The following SEC31B variants were observed in gnomAD, a reference collection of about 807,000 sequenced individuals.
SEC31B encodes the protein protein transport protein Sec31B.
A neutral mutation model predicts 135.0 loss-of-function variants in SEC31B; 113 were observed. The observed-to-expected ratio is 0.84, with a 90% CI of 0.72 to 0.98. SEC31B has a LOEUF of 0.98. Among genes scored for constraint, SEC31B ranks in the 50% least tolerant of loss-of-function variants. The pLI is 0.00. For synonymous variants in SEC31B, 508 were observed against 549.4 expected (o/e 0.92, Z 1.05); for missense variants, 1,296 against 1,421.1 (o/e 0.91, Z 1.42).
At chr10:100,499,810 C>T (rs1303938903) in intron 11 of SEC31B, among the ~76,000 whole-genome samples, 1 of 152,224 alleles carries the variant, frequency 6.6e-6, no homozygotes, top group African/African-American at 2.4e-5. Context: ...CTGCCCTTTG[C>T]ACATGAGAAT....
At chr10:100,517,094 T>C in intron 1 of SEC31B, 97 bp from the exon 2 acceptor site, 3 of 644,542 alleles carry the variant, frequency 4.7e-6, no homozygotes, top group Non-Finnish European at 8.4e-6. Context: ...ATAGGGCATT[T>C]CAGGGCAACA....
chr10:100,508,970 G>T, intron 5 of SEC31B, 37 bp downstream of exon 5: 1 of 1,504,068 alleles, frequency 6.6e-7, no homozygotes, highest in Non-Finnish European at 9.3e-7. Flanking sequence ...AGAATCAGCT[G>T]CACACTCCAG....
At position 100,516,988 on chromosome 10, in the gene SEC31B, C is replaced by T. The variant is rs368885457; in HGVS notation, c.-36G>A. ...GTAGGTGGCAGAAAACTGACATGGC[C>T]CTCAGCCCACTGAAAATAGAAACCA... On this transcript the variant is annotated 5_prime_UTR_variant, in exon 2 of 26. Coordinates refer to ENST00000370345, the MANE Select transcript of SEC31B (RefSeq NM_015490.4). 35 of 1,506,572 alleles carry T rather than the reference C, an allele frequency of 2.3e-5. No homozygotes were observed. The highest frequency in any genetic ancestry group is 3.2e-5 in the Non-Finnish European group (35 of 1,083,798). The allele number at this position is 1,506,572 out of a possible 1,614,324, so 93.3% of individuals were successfully genotyped here.
At chr10:100,498,399 A>T in intron 14 of SEC31B, 192 bp from the exon 15 acceptor site, 2 of 636,488 alleles carry the variant, frequency 3.1e-6, no homozygotes, top group Non-Finnish European at 2.7e-6. Flanking sequence ...GGCCCAAGAC[A>T]AGGGAGGGAA....
chr10:100,511,640 A>C (rs1248495008), intron 3 of SEC31B, among the ~76,000 whole-genome samples: 1 of 152,180 alleles, frequency 6.6e-6, no homozygotes, highest in Non-Finnish European at 1.5e-5. Flanking sequence ...CTGCTGTATA[A>C]ATTGTTTCCA....
In SEC31B at chr10:100,508,997, T is replaced by C; in HGVS notation, c.495+10A>G. ...ACACTCCAGGGTTGGGTAGTGGGGGTGCTGCTCACCTGTGACTTGGATCCC... is the reference window on the plus strand; with the variant it reads ...ACACTCCAGGGTTGGGTAGTGGGGGCGCTGCTCACCTGTGACTTGGATCCC... On this transcript the variant is annotated intron_variant, in intron 5 of 25. Transcript: ENST00000370345. 1 of 1,608,670 alleles carries C rather than the reference T, an allele frequency of 6.2e-7. No homozygotes were observed. The highest frequency in any genetic ancestry group is 1.3e-5 in the African/African-American group (1 of 74,856).
At chr10:100,501,867 C>T (rs1851530385) in intron 11 of SEC31B, among the ~76,000 whole-genome samples, 1 of 152,234 alleles carries the variant, frequency 6.6e-6, no homozygotes, top group Non-Finnish European at 1.5e-5. Context: ...GTCCTTCTAA[C>T]TAATGTTTTT....
chr10:100,513,344 A>G (rs994723772), intron 3 of SEC31B, among the ~76,000 whole-genome samples: 2 of 152,362 alleles, frequency 1.3e-5, no homozygotes, highest in African/African-American at 4.8e-5. Flanking sequence ...GTGGAGCAGG[A>G]GTATGAGGTA....
intron 20 of SEC31B, 61 bp from the exon 21 acceptor site, chr10:100,490,383 C>T: frequency 6.7e-7 from 1 of 1,497,152 alleles, no homozygotes; most frequent in Admixed American, 2.3e-5. Flanking sequence ...CAACTCAGAG[C>T]ATATCAGGGA....
chr10:100,490,900 AC>A lies in SEC31B; in HGVS notation c.2473-18del. 1 of 1,403,214 alleles carries A rather than the reference AC, an allele frequency of 7.1e-7. No homozygotes were observed. Among genetic ancestry groups the A allele is most frequent in the Non-Finnish European group, 9.4e-7 (1 of 1,063,934 alleles). The allele number at this position is 1,403,214 out of a possible 1,614,324, so 86.9% of individuals were successfully genotyped here. On this transcript the variant is annotated intron_variant, in intron 19 of 25. Coordinates refer to ENST00000370345, the MANE Select transcript of SEC31B (RefSeq NM_015490.4). ...AGTTGGGACCTATGAAGAGAAAAAA[AC>A]ATCAGCTCTTGGAAAGGAAAGAGAA...
Position 100,492,956 on chromosome 10 carries a change from G to A in SEC31B, c.2473-2073C>T, listed in dbSNP as rs182418493. Among the ~76,000 whole-genome samples the A allele has an allele frequency of 1.4e-3, 216 of 152,348 alleles. 2 individuals are homozygous for A. In the Middle Eastern group the frequency reaches 0.02, roughly 14 times the overall value. The stretch of plus-strand genomic sequence containing the variant: ...GAGAAACATGCCACATTCATGGACT[G>A]AAAGACTGAACCTAGTAAAGATGTC... On this transcript the variant is annotated intron_variant, in intron 19 of 25. Coordinates refer to ENST00000370345, the MANE Select transcript of SEC31B (RefSeq NM_015490.4).
rs771366161 is a variant in SEC31B at position 100,490,006 on chromosome 10, AC to A, written c.2965+1del. On this transcript the variant is annotated splice_donor_variant, in intron 21 of 25. Transcript: ENST00000370345. LOFTEE classifies it high-confidence loss of function. ...AGAGGGATCCATGGAAGGAAGACTGACCTGGGTGAGGAGTCAAGATGCCAGT... is the reference window on the plus strand; with the variant it reads ...AGAGGGATCCATGGAAGGAAGACTGACTGGGTGAGGAGTCAAGATGCCAGT... 5 of 1,538,728 alleles carry A rather than the reference AC, an allele frequency of 3.2e-6. No homozygotes were observed. The highest frequency in any genetic ancestry group is 4.4e-6 in the Non-Finnish European group (5 of 1,147,998).
In SEC31B at chr10:100,507,516, G is replaced by A; in HGVS notation, c.691C>T (p.Leu231=). 6.2e-7 allele frequency: 1 copy of A among 1,614,190 alleles called. No homozygotes were observed. Among genetic ancestry groups the A allele is most frequent in the Non-Finnish European group, 8.5e-7 (1 of 1,180,028 alleles). ...WHPDIATQLV[L]CSEDDRLPVI... ...GGAAGTCGATCATCCTCTGAGCACA[G>A]CACTAACTGGGTGGCTATGTCAGGA... Residue 231 remains leucine, a synonymous_variant, in exon 7 of 26, where the codon CTG becomes TTG. Coordinates refer to ENST00000370345, the MANE Select transcript of SEC31B (RefSeq NM_015490.4).
At chr10:100,497,538 ATTCT>A in intron 16 of SEC31B, 125 bp downstream of exon 16, 1 of 1,552,866 alleles carries the variant, frequency 6.4e-7, no homozygotes, top group Non-Finnish European at 8.7e-7. Flanking sequence ...GCTGAGCCAG[ATTCT>A]AGCCCTGACA....
rs1300964311 is a variant in SEC31B, at chr10:100,487,314, C to G, written c.*302G>C. ...CAGAAGCCACTTAAATAGAAGATCC[C>G]TGGGGGAGAAGATATCCTGCCCCAG... On this transcript the variant is annotated 3_prime_UTR_variant, in exon 26 of 26. Transcript: ENST00000370345. The G allele has an allele frequency of 2.9e-6, 1 of 346,132 alleles. No individual in the cohort carries two copies. The highest frequency in any genetic ancestry group is 2.2e-5 in the African/African-American group (1 of 46,490). The allele number at this position is 346,132 out of a possible 1,614,324, so 21.4% of individuals were successfully genotyped here.
chr10:100,503,332 G>C (rs1226118714), intron 10 of SEC31B, among the ~76,000 whole-genome samples: 2 of 152,072 alleles, frequency 1.3e-5, no homozygotes, highest in African/African-American at 2.4e-5. Flanking sequence ...GACTTGCCAG[G>C]CCACACCCCA....
intron 21 of SEC31B, 68 bp downstream of exon 21, chr10:100,489,940 T>A (rs2133669071): frequency 6.5e-7 from 1 of 1,531,186 alleles, no homozygotes; most frequent in Non-Finnish European, 8.8e-7. Flanking sequence ...GAGGAAAGAC[T>A]CCCAAAGTAG....
chr10:100,488,994 G>A lies in SEC31B; in HGVS notation c.3172-20C>T, dbSNP rs1265126648. The A allele has an allele frequency of 1.3e-6, 2 of 1,586,550 alleles. No individual in the cohort carries two copies. Among genetic ancestry groups the A allele is most frequent in the Non-Finnish European group, 1.7e-6 (2 of 1,168,864 alleles). On this transcript the variant is annotated intron_variant, in intron 23 of 25. Transcript: ENST00000370345. Reference sequence around the variant, plus strand: ...CTGAAGCTGCTGATAAAGAAGCAGGGAGAAAGGCCAGAGGGGCAAGCTGTC... The same window carrying A: ...CTGAAGCTGCTGATAAAGAAGCAGGAAGAAAGGCCAGAGGGGCAAGCTGTC...
intron 6 of SEC31B, 141 bp from the exon 7 acceptor site, chr10:100,507,708 G>C (rs760209108): frequency 5.4e-6 from 7 of 1,306,008 alleles, no homozygotes; most frequent in Non-Finnish European, 7.5e-6. Flanking sequence ...CCAGGAATAA[G>C]TAAGGAATGG....
Sources: allele counts gnomAD v4.1 joint callset (sites outside exome capture counted in the v4.1 genomes callset), GRCh38; gene constraint gnomAD v4.1.1; transcripts MANE v1.5; gene names NCBI Gene and HGNC (gene_info 2026-07-23, HGNC 2026-07-21).